The following SLC44A1 variants were observed in gnomAD, a reference collection of about 807,000 sequenced individuals.
SLC44A1 encodes the protein solute carrier family 44 member 1.
In SLC44A1, 26 loss-of-function variants were observed where a neutral mutation model predicts 79.3. The observed-to-expected ratio is 0.33, with a 90% CI of 0.24 to 0.46. The LOEUF is 0.46. SLC44A1 is among the 20% of genes least tolerant of loss of function. The pLI, the probability that SLC44A1 is intolerant of heterozygous loss-of-function variation, is 1.00. For synonymous variants in SLC44A1, 263 were observed against 286.2 expected, an observed-to-expected ratio of 0.92 and a Z score of 0.82; for missense variants, 688 against 798.1, an observed-to-expected ratio of 0.86 and a Z score of 1.66.
chr9:105,267,087 G>T (rs1405659635), intron 1 of SLC44A1, among the ~76,000 whole-genome samples: 1 of 152,100 alleles, frequency 6.6e-6, no homozygotes, highest in African/African-American at 2.4e-5. Flanking sequence ...GGCTCCATGA[G>T]GGAAGTTTGT....
At chr9:105,346,343 G>A (rs570412266) in intron 4 of SLC44A1, among the ~76,000 whole-genome samples, 16 of 152,162 alleles carry the variant, frequency 1.1e-4, no homozygotes, top group African/African-American at 3.4e-4. Flanking sequence ...TGCACCTGCT[G>A]ACCTCCTTTT....
At chr9:105,370,568 A>G (rs1002199057) in intron 12 of SLC44A1, among the ~76,000 whole-genome samples, 3 of 152,202 alleles carry the variant, frequency 2.0e-5, no homozygotes, top group Non-Finnish European at 2.9e-5. Flanking sequence ...GTGGGGTGAT[A>G]AGAAAGAAGC....
downstream of SLC44A1, among the ~76,000 whole-genome samples, chr9:105,398,080 GT>G (rs1366665369): frequency 6.6e-6 from 1 of 152,224 alleles, no homozygotes; most frequent in Non-Finnish European, 1.5e-5. Flanking sequence ...AGTTTAGTGC[GT>G]TTGTGAAACT....
chr9:105,281,574 G>A (rs969218971), intron 1 of SLC44A1, among the ~76,000 whole-genome samples: 6 of 152,096 alleles, frequency 3.9e-5, no homozygotes, highest in East Asian at 3.9e-4. Flanking sequence ...ACATGATATC[G>A]TCTGGAAGGG....
At chr9:105,319,347 G>T (rs1299870619) in intron 3 of SLC44A1, among the ~76,000 whole-genome samples, 1 of 152,148 alleles carries the variant, frequency 6.6e-6, no homozygotes, top group Non-Finnish European at 1.5e-5. Context: ...GAGTGCATGG[G>T]GCAGAGCTTC....
At chr9:105,414,440 C>A (rs534415405) in intron 15 of SLC44A1, among the ~76,000 whole-genome samples, 38 of 152,244 alleles carry the variant, frequency 2.5e-4, no homozygotes, top group African/African-American at 8.9e-4. Context: ...CCTCAGCACC[C>A]CCTGGGTAAA....
At chr9:105,418,813 T>G (rs969290595) in intron 15 of SLC44A1, among the ~76,000 whole-genome samples, 10 of 152,232 alleles carry the variant, frequency 6.6e-5, no homozygotes, top group Non-Finnish European at 1.0e-4. Flanking sequence ...GACTTTCTTA[T>G]TAGCAGATAT....
intron 13 of SLC44A1, among the ~76,000 whole-genome samples, chr9:105,375,713 T>C (rs192420391): frequency 6.6e-6 from 1 of 152,252 alleles, no homozygotes; most frequent in East Asian, 1.9e-4. Context: ...TCCTTAGAAG[T>C]GTCGAACAAG....
intron 1 of SLC44A1, among the ~76,000 whole-genome samples, chr9:105,286,050 G>A (rs530294974): frequency 2.6e-4 from 39 of 152,266 alleles, no homozygotes; most frequent in Admixed American, 1.6e-3. Context: ...GCGGTGAGCC[G>A]AGATTGCGCC....
intron 15 of SLC44A1, among the ~76,000 whole-genome samples, chr9:105,428,916 G>A (rs183339628): frequency 7.2e-5 from 11 of 152,310 alleles, no homozygotes; most frequent in African/African-American, 2.6e-4. Context: ...ATGTTGGCCA[G>A]GATGGTCTCG....
At chr9:105,305,334 A>T (rs553125703) in intron 2 of SLC44A1, among the ~76,000 whole-genome samples, 1 of 151,778 alleles carries the variant, frequency 6.6e-6, no homozygotes, top group South Asian at 2.1e-4. Flanking sequence ...ACATTTTTTT[A>T]AAAGTCTGGA....
rs1828790771 is a variant in SLC44A1, at chr9:105,392,588, A to C, written c.*3532A>C. The C allele has an allele frequency of 1.0e-6, 1 of 985,202 alleles. No individual in the cohort carries two copies. 61.0% of individuals were successfully genotyped at this position (985,202 alleles called of 1,614,324 possible). On this transcript the variant is annotated 3_prime_UTR_variant, in exon 16 of 16. Coordinates refer to ENST00000374720, the MANE Select transcript of SLC44A1 (RefSeq NM_080546.5). The stretch of plus-strand genomic sequence containing the variant: ...CTTTATTCTGGACCCAAACTGCTTT[A>C]GAGCAGAGTTAATACCTCTCCCTCC...
intron 12 of SLC44A1, among the ~76,000 whole-genome samples, chr9:105,370,797 G>A (rs1185842389): frequency 6.6e-6 from 1 of 152,198 alleles, no homozygotes; most frequent in Non-Finnish European, 1.5e-5. Flanking sequence ...GAACACTTTA[G>A]TTAAGAGTGA....
intron 4 of SLC44A1, among the ~76,000 whole-genome samples, chr9:105,336,134 A>ATGTG (rs35324360): frequency 0.085 from 12,376 of 145,038 alleles, 1,195 homozygotes; most frequent in African/African-American, 0.24. Flanking sequence ...GTGTGTGTGC[A>ATGTG]TGTGTGTGTG....
chr9:105,307,165 T>C (rs1047698997), intron 2 of SLC44A1, among the ~76,000 whole-genome samples: 24 of 152,224 alleles, frequency 1.6e-4, no homozygotes, highest in African/African-American at 5.5e-4. Flanking sequence ...TTTCATTTAG[T>C]TCTCATCATT....
intron 14 of SLC44A1, among the ~76,000 whole-genome samples, chr9:105,384,301 C>T (rs915103522): frequency 1.3e-5 from 2 of 152,056 alleles, no homozygotes; most frequent in African/African-American, 4.8e-5. Flanking sequence ...CTCCCTCAGC[C>T]TCCCAAATAG....
intron 4 of SLC44A1, among the ~76,000 whole-genome samples, chr9:105,336,877 G>C (rs1826941223): frequency 6.6e-6 from 1 of 152,148 alleles, no homozygotes; most frequent in African/African-American, 2.4e-5. Context: ...GACTGGCTCT[G>C]TAATGAGGGT....
chr9:105,385,852 C>T, intron 15 of SLC44A1: 1 of 985,340 alleles, frequency 1.0e-6, no homozygotes, highest in South Asian at 4.7e-5. Flanking sequence ...TTTTGGTGTA[C>T]ACTTGAACTG....
intron 3 of SLC44A1, among the ~76,000 whole-genome samples, chr9:105,314,114 T>C (rs1437962538): frequency 2.0e-5 from 3 of 152,132 alleles, no homozygotes; most frequent in Non-Finnish European, 4.4e-5. Context: ...CTGTCTTCCA[T>C]ATCAATTTGG....
Sources: allele counts gnomAD v4.1 joint callset (sites outside exome capture counted in the v4.1 genomes callset), GRCh38; gene constraint gnomAD v4.1.1; transcripts MANE v1.5; gene names NCBI Gene and HGNC (gene_info 2026-07-23, HGNC 2026-07-21).